EPAS1: variants seen among roughly 807,000 people sequenced by gnomAD.
EPAS1 encodes endothelial PAS domain-containing protein 1.
A neutral mutation model predicts 87.9 loss-of-function variants in EPAS1; 23 were observed. The ratio of observed to expected loss-of-function variants is 0.26; its 90% CI spans 0.19 to 0.37. EPAS1 has a LOEUF of 0.37. EPAS1 is among the 10% of genes least tolerant of loss of function. The pLI, the probability that EPAS1 is intolerant of heterozygous loss-of-function variation, is 1.00. For synonymous variants in EPAS1, 508 were observed against 444.3 expected (o/e 1.14, Z -1.80); for missense variants, 1,138 against 1,120.7 (o/e 1.02, Z -0.22).
intron 7 of EPAS1, among the ~76,000 whole-genome samples, chr2:46,374,009 T>C (rs1014201921): frequency 1.4e-4 from 22 of 152,268 alleles, no homozygotes; most frequent in African/African-American, 5.3e-4. Flanking sequence ...GAGCGCCCTA[T>C]GTGCCAGGCA....
intron 12 of EPAS1, chr2:46,381,206 G>A: frequency 2.7e-6 from 1 of 368,648 alleles, no homozygotes; most frequent in Non-Finnish European, 5.2e-6. Context: ...AGCTCACTGG[G>A]CTAAGGCACA....
chr2:46,308,138 C>T (rs1396360066), intron 1 of EPAS1, among the ~76,000 whole-genome samples: 1 of 152,166 alleles, frequency 6.6e-6, no homozygotes, highest in Non-Finnish European at 1.5e-5. Flanking sequence ...GTACTCATTC[C>T]CACTTCTATT....
chr2:46,377,909 A>G lies in EPAS1; in HGVS notation c.1265A>G (p.Glu422Gly). Reference protein sequence around the residue: ...ISLDFGNQNFEESSAYGKAIL... With the variant: ...ISLDFGNQNFGESSAYGKAIL... ...GTCTCCACAGGGAATCAGAACTTCGAGGAGTCCTCAGCCTATGGCAAGGCC... is the reference window on the plus strand; with the variant it reads ...GTCTCCACAGGGAATCAGAACTTCGGGGAGTCCTCAGCCTATGGCAAGGCC... The change falls in exon 10 of 16, where the codon GAG becomes GGG. Residue 422 changes from glutamate (E) to glycine (G), a missense_variant. Around this residue, in one of 4 missense-constraint regions of EPAS1, gnomAD observed 284 missense variants for 258.4 expected, o/e 1.10. Transcript: ENST00000263734. 6.4e-7 allele frequency: 1 copy of G among 1,552,906 alleles called. No individual in the cohort carries two copies. The highest frequency in any genetic ancestry group is 8.7e-7 in the Non-Finnish European group (1 of 1,147,594).
At chr2:46,343,773 C>T (rs1683956050) in intron 1 of EPAS1, among the ~76,000 whole-genome samples, 1 of 152,262 alleles carries the variant, frequency 6.6e-6, no homozygotes, top group Admixed American at 6.5e-5. Context: ...CCACTATCTC[C>T]TACAGTTAAG....
intron 13 of EPAS1, 92 bp from the exon 14 acceptor site, chr2:46,381,883 G>A: frequency 6.5e-7 from 1 of 1,529,232 alleles, no homozygotes; most frequent in South Asian, 1.2e-5. Flanking sequence ...GCCAGCAAGT[G>A]CCAGCCCTGT....
chr2:46,299,733 T>C (rs1177080811), intron 1 of EPAS1, among the ~76,000 whole-genome samples: 1 of 152,198 alleles, frequency 6.6e-6, no homozygotes, highest in Non-Finnish European at 1.5e-5. Context: ...TTGTGCAGTT[T>C]TGTACCGTAT....
rs113846605 is a variant in EPAS1, at chr2:46,360,341, C to T, written c.455-297C>T. Among the ~76,000 whole-genome samples, 19 of 152,322 alleles carry T rather than the reference C, an allele frequency of 1.2e-4. No individual in the cohort carries two copies. The highest frequency in any genetic ancestry group is 3.6e-4 in the African/African-American group (15 of 41,566). On this transcript the variant is annotated intron_variant, in intron 4 of 15. Coordinates refer to ENST00000263734, the MANE Select transcript of EPAS1 (RefSeq NM_001430.5). This position sits in a 1 kb window ranked among gnomAD's most constrained non-coding sequence, Gnocchi z 4.5. ...AGTGGCTGATAGGCAGTCGTTGTGT[C>T]GCTGCTCTGAAGGCACCACTGACCA...
At chr2:46,313,177 G>A (rs138043243) in intron 1 of EPAS1, among the ~76,000 whole-genome samples, 263 of 152,276 alleles carry the variant, frequency 1.7e-3, no homozygotes, top group African/African-American at 5.8e-3. Context: ...GAGTGCAAAC[G>A]CCTGGCTGTG....
chr2:46,379,908 C>T (rs1558611579), intron 11 of EPAS1: 3 of 454,886 alleles, frequency 6.6e-6, no homozygotes, highest in East Asian at 4.6e-5. Context: ...AGGGCTGACT[C>T]TGTGGAAGAG....
At chr2:46,344,032 A>T (rs1558595351) in intron 1 of EPAS1, among the ~76,000 whole-genome samples, 4 of 152,244 alleles carry the variant, frequency 2.6e-5, no homozygotes, top group African/African-American at 7.2e-5. Context: ...TAAATGGCTT[A>T]TGTAGGCATT....
Position 46,375,653 on chromosome 2 carries a change from C to T in EPAS1, c.887-37C>T. The T allele has an allele frequency of 1.9e-6, 3 of 1,608,352 alleles. No individual in the cohort carries two copies. Among genetic ancestry groups the T allele is most frequent in the Non-Finnish European group, 2.5e-6 (3 of 1,177,256 alleles). ...GAGCCTGTGGTGCACACCCCTGCCC[C>T]ACCTCCCTAAGCTCAGCTCTGTTTC... On this transcript the variant is annotated intron_variant, in intron 7 of 15. Transcript: ENST00000263734. The surrounding 1 kb of genome is among the most constrained non-coding windows in gnomAD (Gnocchi z 4.1).
At chr2:46,307,238 G>A (rs1683123044) in intron 1 of EPAS1, among the ~76,000 whole-genome samples, 1 of 152,318 alleles carries the variant, frequency 6.6e-6, no homozygotes, top group Non-Finnish European at 1.5e-5. Context: ...CAGGGTGAAG[G>A]GAGAGAGAAG....
At chr2:46,316,657 G>A (rs1483218236) in intron 1 of EPAS1, among the ~76,000 whole-genome samples, 2 of 152,194 alleles carry the variant, frequency 1.3e-5, no homozygotes, top group African/African-American at 4.8e-5. Context: ...CTTACTGGGA[G>A]AGGTTCTTGC....
chr2:46,363,855 G>A (rs1011303748), intron 6 of EPAS1, among the ~76,000 whole-genome samples: 4 of 152,198 alleles, frequency 2.6e-5, no homozygotes, highest in African/African-American at 7.2e-5. Context: ...GCTGCATGTA[G>A]AAGCATTTAA....
chr2:46,313,924 AG>A (rs1227552780), intron 1 of EPAS1, among the ~76,000 whole-genome samples: 3 of 152,136 alleles, frequency 2.0e-5, no homozygotes, highest in African/African-American at 7.2e-5. Flanking sequence ...AAATAATCTG[AG>A]GTTGTCAGGT....
chr2:46,329,509 A>C (rs1263857611), intron 1 of EPAS1, among the ~76,000 whole-genome samples: 1 of 152,144 alleles, frequency 6.6e-6, no homozygotes, highest in Non-Finnish European at 1.5e-5. Flanking sequence ...GCCTGTGCTC[A>C]TCTCTATAGG....
In EPAS1 at chr2:46,308,495, T is replaced by A. The variant is rs549432199; in HGVS notation, c.26+10558T>A. Among the ~76,000 whole-genome samples, 39 of 147,208 alleles carry A rather than the reference T, an allele frequency of 2.6e-4. 1 individual carries two copies. In the East Asian group the frequency reaches 6.2e-3, roughly 23 times the overall value. ...GGCTCTGAAATCATGCTTAGTTTTT[T>A]AAAAAAAATAATAGAATTGCTTTGT... On this transcript the variant is annotated intron_variant, in intron 1 of 15. Coordinates refer to ENST00000263734, the MANE Select transcript of EPAS1 (RefSeq NM_001430.5).
At chr2:46,333,953 G>A (rs961737765) in intron 1 of EPAS1, among the ~76,000 whole-genome samples, 6 of 152,112 alleles carry the variant, frequency 3.9e-5, no homozygotes, top group Non-Finnish European at 5.9e-5. Context: ...TGCCCTGGGT[G>A]AAGTTTGTTT....
At chr2:46,297,988 G>A in intron 1 of EPAS1, 51 bp downstream of exon 1, 1 of 1,600,944 alleles carries the variant, frequency 6.2e-7, no homozygotes. Context: ...CCAGGGCCGG[G>A]CTGCGCGGGG....
Sources: gnomAD v4.1 joint callset for allele counts (sites outside exome capture counted in the v4.1 genomes callset) on GRCh38, gnomAD v4.1.1 for gene constraint, gnomAD v4.1.1 regional missense constraint, Gnocchi (gnomAD v3.1) non-coding constraint, MANE v1.5 for transcripts, NCBI Gene and HGNC (gene_info 2026-07-23, HGNC 2026-07-21) for gene names.